Variants in KDM6B observed in about 807,000 individuals in gnomAD.
The protein encoded by KDM6B is lysine demethylase 6B, also known as lysine-specific demethylase 6B.
In KDM6B, 22 loss-of-function variants were observed where a neutral mutation model predicts 150.4. The observed-to-expected ratio is 0.15, with a 90% confidence interval of 0.10 to 0.21. The LOEUF is 0.21. Among genes scored for constraint, KDM6B ranks in the 10% least tolerant of loss-of-function variants. The probability of loss-of-function intolerance (pLI) is 1.00; values close to 1 mark genes in which losing one functional copy is unlikely to be tolerated. For missense variants in KDM6B, 1,984 were observed against 2,234.3 expected (o/e 0.89, Z 2.26); for synonymous variants, 1,148 against 921.1 (o/e 1.25, Z -4.46).
intron 13 of KDM6B, 57 bp downstream of exon 13, chr17:7,850,004 TG>T: frequency 1.9e-6 from 3 of 1,613,450 alleles, no homozygotes; most frequent in Non-Finnish European, 2.5e-6. Flanking sequence ...AAGACAGTGT[TG>T]GGGACTGCTG....
chr17:7,851,386 CCCT>C lies in KDM6B; in HGVS notation c.3940_3942del (p.Pro1314del), dbSNP rs779279876. On this transcript the variant is annotated inframe_deletion, in exon 16 of 24. Coordinates refer to ENST00000448097, the MANE Select transcript of KDM6B (RefSeq NM_001348716.2). Reference sequence around the variant, plus strand: ...AGGAGCCAGACAGCACCACTGGAACCCCTCCTAGGTACTGTGCAGGTGTGCCCC... The same window carrying C: ...AGGAGCCAGACAGCACCACTGGAACCCCTAGGTACTGTGCAGGTGTGCCCC... 2 of 1,614,118 alleles carry C rather than the reference CCCT, an allele frequency of 1.2e-6. No individual in the cohort carries two copies. Among genetic ancestry groups the C allele is most frequent in the Non-Finnish European group, 1.7e-6 (2 of 1,179,994 alleles).
At chr17:7,835,722 C>A (rs1198078723) in intron 1 of KDM6B, among the ~76,000 whole-genome samples, 1 of 152,116 alleles carries the variant, frequency 6.6e-6, no homozygotes, top group African/African-American at 2.4e-5. Flanking sequence ...GGGACCCGCA[C>A]GTGCACTCCC....
In KDM6B at chr17:7,849,420, C is replaced by T. The variant is rs1228395643; in HGVS notation, c.3132C>T (p.Ala1044=). ...CCGATCTTGGCGGGGCCTCCAAGGC[C>T]AAGCCACCCACAGCTCCAGCCCCTC... is the stretch of plus-strand genomic sequence containing the variant. ...SRPDLGGASK[A]KPPTAPAPPS... is the part of the protein sequence containing the mutation. Residue 1044 remains alanine (A), a synonymous_variant, in exon 12 of 24, where the codon GCC becomes GCT. Coordinates refer to ENST00000448097, the MANE Select transcript of KDM6B (RefSeq NM_001348716.2). 1 of 1,611,874 alleles carries T rather than the reference C, an allele frequency of 6.2e-7. No homozygotes were observed. Among genetic ancestry groups the T allele is most frequent in the Non-Finnish European group, 8.5e-7 (1 of 1,179,690 alleles).
Position 7,842,000 on chromosome 17 carries a change from A to T in KDM6B, c.-269+1976A>T, listed in dbSNP as rs575677298. On this transcript the variant is annotated intron_variant, in intron 2 of 23. Coordinates refer to ENST00000448097, the MANE Select transcript of KDM6B (RefSeq NM_001348716.2). ...TGCGACGAGGGTCCTGGACCGCCCC[A>T]CCTCGGCGCGCGCGCAGCATGCCCG... Among the ~76,000 whole-genome samples, 365 of 152,180 alleles carry T rather than the reference A, an allele frequency of 2.4e-3. 3 individuals carry two copies. Among genetic ancestry groups the T allele is most frequent in the African/African-American group, 8.4e-3 (350 of 41,502 alleles).
chr17:7,850,220 T>C, intron 14 of KDM6B, 43 bp downstream of exon 14: 1 of 1,522,946 alleles, frequency 6.6e-7, no homozygotes, highest in Non-Finnish European at 9.1e-7. Flanking sequence ...GCTACAAGGG[T>C]CTGGGGCATG....
chr17:7,850,329 C>T (rs1395226941), intron 14 of KDM6B, 152 bp downstream of exon 14: 4 of 650,842 alleles, frequency 6.1e-6, no homozygotes, highest in Non-Finnish European at 1.1e-5. Flanking sequence ...CTTCTCCCAT[C>T]TGTCTGTCTC....
intron 1 of KDM6B, among the ~76,000 whole-genome samples, 41 bp downstream of exon 1, chr17:7,834,391 C>G (rs1597810962): frequency 6.6e-6 from 1 of 152,068 alleles, no homozygotes; most frequent in East Asian, 1.9e-4. Flanking sequence ...GAGGGAAACC[C>G]TCTCCTTGCA....
chr17:7,846,356 C>G, intron 7 of KDM6B, 44 bp from the exon 8 acceptor site: 1 of 1,562,974 alleles, frequency 6.4e-7, no homozygotes, highest in Non-Finnish European at 8.7e-7. Flanking sequence ...TGGCTCAGTG[C>G]CCCACCTGAC....
In KDM6B at chr17:7,846,385, T is replaced by TCCCCCCCCCCCCCCC; in HGVS notation, c.457-9_457-8insCCCCCCCCCCCCCCC. 1.9e-6 allele frequency: 1 copy of TCCCCCCCCCCCCCCC among 527,622 alleles called. No individual in the cohort carries two copies. The highest frequency in any genetic ancestry group is 3.6e-6 in the Non-Finnish European group (1 of 279,220). The allele number at this position is 527,622 out of a possible 1,614,324, so 32.7% of individuals were successfully genotyped here. A position where few individuals can be genotyped will look rare whatever the true frequency, so the allele number is the denominator to read the frequency against. Reference sequence around the variant, plus strand: ...ACCTGACATCTGCCCCTGCCCCGTGTCCCCCCACCCCCAGGCCCAGCTCTG... The same window carrying TCCCCCCCCCCCCCCC: ...ACCTGACATCTGCCCCTGCCCCGTGTCCCCCCCCCCCCCCCCCCCCCACCCCCAGGCCCAGCTCTG... On this transcript the variant is annotated splice_polypyrimidine_tract_variant and intron_variant, in intron 7 of 23. Coordinates refer to ENST00000448097, the MANE Select transcript of KDM6B (RefSeq NM_001348716.2).
At position 7,846,393 on chromosome 17, in the gene KDM6B, C is replaced by T; in HGVS notation, c.457-7C>T. The stretch of plus-strand genomic sequence containing the variant: ...TCTGCCCCTGCCCCGTGTCCCCCCA[C>T]CCCCAGGCCCAGCTCTGGAACTTTC... On this transcript the variant is annotated splice_region_variant and splice_polypyrimidine_tract_variant and intron_variant, in intron 7 of 23. Transcript: ENST00000448097. 6.3e-7 allele frequency: 1 copy of T among 1,582,366 alleles called. No individual in the cohort carries two copies. The highest frequency in any genetic ancestry group is 1.1e-5 in the South Asian group (1 of 87,608).
In KDM6B at chr17:7,847,848, C is replaced by A; in HGVS notation, c.1560C>A (p.Pro520=). The change falls in exon 12 of 24, where the codon CCC becomes CCA. Residue 520 remains proline (P), a synonymous_variant. Coordinates refer to ENST00000448097, the MANE Select transcript of KDM6B (RefSeq NM_001348716.2). ...GPPRPAPPPL[P]HREGFLGPPA... ...CCCGCCCTGCCCCACCACCCCTCCCCCATCGCGAGGGCTTCTTGGGGCCTC... is the reference window on the plus strand; with the variant it reads ...CCCGCCCTGCCCCACCACCCCTCCCACATCGCGAGGGCTTCTTGGGGCCTC... 6.4e-7 allele frequency: 1 copy of A among 1,566,228 alleles called. No individual in the cohort carries two copies. Among genetic ancestry groups the A allele is most frequent in the Non-Finnish European group, 8.7e-7 (1 of 1,155,792 alleles).
rs1236807875 is a variant in KDM6B, at chr17:7,844,668, G to A, written c.-268-233G>A. Among the ~76,000 whole-genome samples the A allele has an allele frequency of 1.3e-5, 2 of 152,188 alleles. No individual in the cohort carries two copies. The highest frequency in any genetic ancestry group is 2.4e-5 in the African/African-American group (1 of 41,440). ...GTGCTTGAGGCTTGCGGGTAGCGCC[G>A]GCCCCCACGCCGGCCGGAGCATGCG... On this transcript the variant is annotated intron_variant, in intron 2 of 23. Coordinates refer to ENST00000448097, the MANE Select transcript of KDM6B (RefSeq NM_001348716.2). The surrounding 1 kb of genome is among the most constrained non-coding windows in gnomAD (Gnocchi z 5.9).
rs779117553 is a variant in KDM6B at position 7,849,505 on chromosome 17, A to G, written c.3217A>G (p.Lys1073Glu). 6 of 1,612,734 alleles carry G rather than the reference A, an allele frequency of 3.7e-6. No homozygotes were observed. Among genetic ancestry groups the G allele is most frequent in the South Asian group, 1.1e-5 (1 of 91,084 alleles). The change falls in exon 12 of 24, where the codon AAG becomes GAG. Residue 1073 changes from lysine (K) to glutamate (E), a missense_variant. Physicochemically the swap from Lys to Glu is moderately conservative, Grantham distance 56 (BLOSUM62 1). Around this residue, in one of 13 missense-constraint regions of KDM6B, gnomAD observed 1,379 missense variants for 1,275.6 expected, o/e 1.08. Transcript: ENST00000448097. ...CCCGTCAGCCTCTGTCCCTGGAAAG[A>G]AGGCTCGGGAGGAAGCCCCAGGGCC... The part of the protein sequence containing the change: ...TPPSASVPGK[K>E]AREEAPGPPG...
rs1367441259 is a variant in KDM6B at position 7,848,374 on chromosome 17, G to A, written c.2086G>A (p.Ala696Thr). The change falls in exon 12 of 24, where the codon GCC becomes ACC. Residue 696 changes from alanine to threonine, a missense_variant. Ala to Thr is a moderately conservative substitution (Grantham distance 58). Coordinates refer to ENST00000448097, the MANE Select transcript of KDM6B (RefSeq NM_001348716.2). ...AEFKILPDGLANIMKMLDESI... is the reference protein window; with the variant it reads ...AEFKILPDGLTNIMKMLDESI... ...ATTCAAGATCCTACCTGATGGGCTG[G>A]CCAACATCATGAAGATGCTGGACGA... The A allele has an allele frequency of 1.9e-6, 3 of 1,612,830 alleles. No individual in the cohort carries two copies. The highest frequency in any genetic ancestry group is 2.7e-5 in the African/African-American group (2 of 74,892).
At position 7,848,161 on chromosome 17, in the gene KDM6B, C is replaced by T; in HGVS notation, c.1873C>T (p.Pro625Ser). Reference sequence around the variant, plus strand: ...AAATACCTCAGGAAGCTTCAGGCGCCCGGAGAGCCCCCGGCCCAGGGTCTC... The same window carrying T: ...AAATACCTCAGGAAGCTTCAGGCGCTCGGAGAGCCCCCGGCCCAGGGTCTC... The part of the protein sequence containing the change: ...HQNTSGSFRR[P>S]ESPRPRVSFP... The change falls in exon 12 of 24, where the codon CCG (proline) becomes TCG (serine). Residue 625 changes from proline to serine, a missense_variant. Around this residue, in one of 13 missense-constraint regions of KDM6B, gnomAD observed 1,379 missense variants for 1,275.6 expected, o/e 1.08. Transcript: ENST00000448097. 6.2e-7 allele frequency: 1 copy of T among 1,612,800 alleles called. No homozygotes were observed. The highest frequency in any genetic ancestry group is 1.7e-5 in the Admixed American group (1 of 60,028).
rs1472948824 is a variant in KDM6B, at chr17:7,847,031, G to C, written c.909+15G>C. On this transcript the variant is annotated intron_variant, in intron 10 of 23. Coordinates refer to ENST00000448097, the MANE Select transcript of KDM6B (RefSeq NM_001348716.2). ...CAGAGCGCCAGGTGAGCCCCTGCCTGTTGCCTTTCACCTCTCACCTACAAG... is the reference window on the plus strand; with the variant it reads ...CAGAGCGCCAGGTGAGCCCCTGCCTCTTGCCTTTCACCTCTCACCTACAAG... The C allele has an allele frequency of 3.7e-6, 6 of 1,612,910 alleles. No individual in the cohort carries two copies. The highest frequency in any genetic ancestry group is 5.1e-6 in the Non-Finnish European group (6 of 1,179,372).
rs369052495 is a variant in KDM6B at position 7,849,477 on chromosome 17, A to G, written c.3189A>G (p.Thr1063=). The change falls in exon 12 of 24, where the codon ACA becomes ACG. Residue 1063 remains threonine (T), a synonymous_variant. Coordinates refer to ENST00000448097, the MANE Select transcript of KDM6B (RefSeq NM_001348716.2). ...PSAPAPSAQP[T]PPSASVPGKK... is the part of the protein sequence containing the mutation. Reference sequence around the variant, plus strand: ...CTCCTGCACCTTCTGCCCAGCCCACACCCCCGTCAGCCTCTGTCCCTGGAA... The same window carrying G: ...CTCCTGCACCTTCTGCCCAGCCCACGCCCCCGTCAGCCTCTGTCCCTGGAA... The G allele has an allele frequency of 2.5e-6, 4 of 1,611,622 alleles. No homozygotes were observed. Among genetic ancestry groups the G allele is most frequent in the Non-Finnish European group, 2.5e-6 (3 of 1,179,676 alleles).
chr17:7,847,315 G>A lies in KDM6B; in HGVS notation c.1120G>A (p.Val374Ile), dbSNP rs142347409. ...RVQRSRMDSSVSPAATTACVP... is the reference protein window; with the variant it reads ...RVQRSRMDSSISPAATTACVP... ...TCAGAGGTCGCGGATGGACTCCAGC[G>A]TTTCACCAGCAGCAACCACCGCCTG... The change falls in exon 11 of 24, where the codon GTT (valine) becomes ATT (isoleucine). Residue 374 changes from valine (V) to isoleucine (I), a missense_variant. Coordinates refer to ENST00000448097, the MANE Select transcript of KDM6B (RefSeq NM_001348716.2). 116 of 1,607,788 alleles carry A rather than the reference G, an allele frequency of 7.2e-5. No individual in the cohort carries two copies. Among genetic ancestry groups the A allele is most frequent in the Non-Finnish European group, 9.2e-5 (109 of 1,179,828 alleles).
intron 21 of KDM6B, 102 bp downstream of exon 21, chr17:7,852,738 C>A: frequency 2.0e-6 from 3 of 1,517,138 alleles, no homozygotes; most frequent in African/African-American, 1.4e-5. Flanking sequence ...CCATCCTTGT[C>A]TGCCTGTGCC....
Sources: allele counts gnomAD v4.1 joint callset (sites outside exome capture counted in the v4.1 genomes callset), GRCh38; gene constraint gnomAD v4.1.1; regional missense constraint gnomAD v4.1.1; non-coding constraint Gnocchi (gnomAD v3.1); transcripts MANE v1.5; gene names NCBI Gene and HGNC (gene_info 2026-07-23, HGNC 2026-07-21).